Variants in EYA1 observed in about 807,000 individuals in gnomAD.
EYA1 encodes the protein EYA transcriptional coactivator and phosphatase 1.
EYA1 carries 16 observed loss-of-function variants against 82.0 expected under a neutral mutation model. The ratio of observed to expected loss-of-function variants is 0.20; its 90% CI spans 0.13 to 0.30. The LOEUF is 0.30. Ranked by LOEUF, EYA1 falls within the 10% of genes least tolerant of loss-of-function variation. EYA1 has a pLI of 1.00. For synonymous variants in EYA1, 261 were observed against 264.4 expected (o/e 0.99, Z 0.12); for missense variants, 633 against 730.7 (o/e 0.87, Z 1.54).
At chr8:71,438,077 G>T (rs374360807) in intron 2 of EYA1, among the ~76,000 whole-genome samples, 1 of 152,212 alleles carries the variant, frequency 6.6e-6, no homozygotes, top group East Asian at 1.9e-4. Context: ...GGATACTCAA[G>T]GGTATCAAGA....
At chr8:71,469,744 G>A (rs554908355) in intron 2 of EYA1, among the ~76,000 whole-genome samples, 11 of 152,144 alleles carry the variant, frequency 7.2e-5, no homozygotes, top group African/African-American at 2.2e-4. Context: ...TGGGCCTCAC[G>A]TGTCTATCAT....
At chr8:71,470,211 T>C (rs1335772820) in intron 2 of EYA1, among the ~76,000 whole-genome samples, 1 of 152,110 alleles carries the variant, frequency 6.6e-6, no homozygotes, top group African/African-American at 2.4e-5. Flanking sequence ...ATCTATGCAA[T>C]TGCTTTCCAG....
rs994893228 is a variant in EYA1 at position 71,439,277 on chromosome 8, T to C, written c.34-82766A>G. Among the ~76,000 whole-genome samples the C allele has an allele frequency of 4.6e-5, 7 of 152,160 alleles. No homozygotes were observed. In the East Asian group the frequency reaches 1.2e-3, roughly 25 times the overall value. ...ACCATCTATCAAGTTCCCTGATCCA[T>C]TGTAATTTGCTGCTTGACTCATTGA... On this transcript the variant is annotated intron_variant, in intron 2 of 18. Transcript: ENST00000643681.
intron 9 of EYA1, among the ~76,000 whole-genome samples, chr8:71,292,329 T>C (rs1035727466): frequency 6.6e-6 from 1 of 151,970 alleles, no homozygotes; most frequent in East Asian, 1.9e-4. Context: ...ATTTTGATCA[T>C]AGAAAAAAAA....
upstream of EYA1, among the ~76,000 whole-genome samples, chr8:71,367,058 G>GA (rs553372758): frequency 6.6e-5 from 10 of 152,202 alleles, no homozygotes; most frequent in South Asian, 2.1e-4. Context: ...GGTCAATAGA[G>GA]AAAAAATCCT....
chr8:71,308,009 C>T (rs1313922536), intron 7 of EYA1, among the ~76,000 whole-genome samples: 2 of 152,174 alleles, frequency 1.3e-5, no homozygotes, highest in African/African-American at 4.8e-5. Context: ...TTTCCACATC[C>T]ATTTTCTGAG....
At chr8:71,352,283 T>C (rs1231077306) in intron 3 of EYA1, among the ~76,000 whole-genome samples, 1 of 152,144 alleles carries the variant, frequency 6.6e-6, no homozygotes, top group Non-Finnish European at 1.5e-5. Flanking sequence ...AGGAATGAAA[T>C]AGATATATTA....
chr8:71,521,322 T>A (rs1813382407), intron 2 of EYA1, among the ~76,000 whole-genome samples: 1 of 152,198 alleles, frequency 6.6e-6, no homozygotes, highest in Admixed American at 6.5e-5. Flanking sequence ...GAATTAAGGC[T>A]AAGATCATCA....
chr8:71,361,751 C>CG lies in EYA1; in HGVS notation c.-160dup. ...AGTTTTGCTCCTGGATGGGTACGCG[C>CG]GGGGGCTCTCAGGCGCTCTGGTGCA... On this transcript the variant is annotated 5_prime_UTR_variant, in exon 1 of 18. Transcript: ENST00000340726. The CG allele has an allele frequency of 1.0e-6, 1 of 985,482 alleles. No homozygotes were observed. Among genetic ancestry groups the CG allele is most frequent in the Non-Finnish European group, 1.2e-6 (1 of 829,976 alleles). The allele number at this position is 985,482 out of a possible 1,614,324, so 61.0% of individuals were successfully genotyped here. A position where few individuals can be genotyped will look rare whatever the true frequency, so the allele number is the denominator to read the frequency against.
chr8:71,251,122 G>T (rs1214781771), intron 11 of EYA1, among the ~76,000 whole-genome samples: 5 of 152,128 alleles, frequency 3.3e-5, no homozygotes, highest in South Asian at 2.1e-4. Flanking sequence ...TAATGAAGTG[G>T]ATAATATTAC....
intron 17 of EYA1, among the ~76,000 whole-genome samples, chr8:71,201,899 C>T (rs1166974806): frequency 1.3e-5 from 2 of 152,108 alleles, no homozygotes; most frequent in African/African-American, 4.8e-5. Flanking sequence ...TATTGCCCTT[C>T]CTCAAAGTTT....
chr8:71,464,123 T>C (rs1227235315), intron 2 of EYA1, among the ~76,000 whole-genome samples: 3 of 152,150 alleles, frequency 2.0e-5, no homozygotes, highest in Non-Finnish European at 4.4e-5. Flanking sequence ...GTACTCACCC[T>C]ATTACCCTCC....
intron 3 of EYA1, among the ~76,000 whole-genome samples, chr8:71,336,667 A>C (rs1824521507): frequency 6.6e-6 from 1 of 152,210 alleles, no homozygotes; most frequent in South Asian, 2.1e-4. Flanking sequence ...AAAGGAAAGG[A>C]AGAGGATACT....
chr8:71,487,945 A>C (rs59921208), intron 2 of EYA1, among the ~76,000 whole-genome samples: 49,144 of 152,050 alleles, frequency 0.32, 8,235 homozygotes, highest in South Asian at 0.46. Context: ...TAGGAGCAGC[A>C]GTTCAATTCC....
intron 11 of EYA1, among the ~76,000 whole-genome samples, chr8:71,247,143 A>C (rs1585982091): frequency 1.4e-5 from 2 of 146,210 alleles, no homozygotes; most frequent in Non-Finnish European, 3.0e-5. Flanking sequence ...AGCACCTCTC[A>C]CCCCCTTAGC....
At chr8:71,251,450 C>T (rs1813736459) in intron 11 of EYA1, among the ~76,000 whole-genome samples, 1 of 152,122 alleles carries the variant, frequency 6.6e-6, no homozygotes, top group African/African-American at 2.4e-5. Context: ...GAAATCTAAC[C>T]CTGCTCCGAA....
At chr8:71,200,538 A>C (rs140997608) in intron 17 of EYA1, among the ~76,000 whole-genome samples, 1 of 151,930 alleles carries the variant, frequency 6.6e-6, no homozygotes, top group Non-Finnish European at 1.5e-5. Context: ...TGGACTCAAG[A>C]CTATTTTGGT....
intron 6 of EYA1, among the ~76,000 whole-genome samples, chr8:71,318,640 A>C (rs1822185802): frequency 6.6e-6 from 1 of 152,096 alleles, no homozygotes; most frequent in Non-Finnish European, 1.5e-5. Flanking sequence ...GGGAAGAAAA[A>C]TTTCTGCCGA....
chr8:71,495,102 G>T (rs1326120158), intron 2 of EYA1, among the ~76,000 whole-genome samples: 1 of 151,770 alleles, frequency 6.6e-6, no homozygotes, highest in African/African-American at 2.4e-5. Flanking sequence ...AGAAAGAAAA[G>T]AAAAGAAACT....
Sources: gnomAD v4.1 joint callset for allele counts (sites outside exome capture counted in the v4.1 genomes callset) on GRCh38, gnomAD v4.1.1 for gene constraint, MANE v1.5 for transcripts, NCBI Gene and HGNC (gene_info 2026-07-23, HGNC 2026-07-21) for gene names.